Variants in PPM1L observed in about 807,000 individuals in gnomAD.
PPM1L encodes protein phosphatase 1L.
Under a neutral mutation model 31.4 loss-of-function variants are expected in PPM1L, and 13 were observed. The ratio of observed to expected loss-of-function variants is 0.41; its 90% CI spans 0.27 to 0.66. PPM1L has a LOEUF of 0.66. Ranked by LOEUF, PPM1L falls within the 30% of genes least tolerant of loss-of-function variation. PPM1L has a pLI of 0.29. For synonymous variants in PPM1L, 184 were observed against 175.4 expected (o/e 1.05, Z -0.39); for missense variants, 326 against 453.7 (o/e 0.72, Z 2.56).
At chr3:160,806,681 G>A (rs1052802458) in intron 1 of PPM1L, among the ~76,000 whole-genome samples, 17 of 152,102 alleles carry the variant, frequency 1.1e-4, no homozygotes, top group Admixed American at 1.0e-3. Context: ...TGAGCGGGGA[G>A]GATTGCCTGA....
intron 1 of PPM1L, among the ~76,000 whole-genome samples, chr3:160,808,197 C>T (rs1576647244): frequency 6.6e-6 from 1 of 152,210 alleles, no homozygotes; most frequent in African/African-American, 2.4e-5. Flanking sequence ...CTAAGATTTT[C>T]TGCTTAATCA....
rs1268066234 is a variant in PPM1L, at chr3:160,817,907, C to A, written c.399+61200C>A. On this transcript the variant is annotated intron_variant, in intron 1 of 3. Coordinates refer to ENST00000498165, the MANE Select transcript of PPM1L (RefSeq NM_139245.4). ...GATAGCCTGGAATGGATAATAGAGACAGGGATTGGAACCAGAGATTTAAGA... is the reference window on the plus strand; with the variant it reads ...GATAGCCTGGAATGGATAATAGAGAAAGGGATTGGAACCAGAGATTTAAGA... Among the ~76,000 whole-genome samples, 4 of 151,920 alleles carry A rather than the reference C, an allele frequency of 2.6e-5. No individual in the cohort carries two copies. In the East Asian group the frequency reaches 7.7e-4, roughly 29 times the overall value.
chr3:160,959,026 T>G (rs948453391), intron 1 of PPM1L, among the ~76,000 whole-genome samples: 1 of 152,186 alleles, frequency 6.6e-6, no homozygotes, highest in Non-Finnish European at 1.5e-5. Context: ...AATTCACAAT[T>G]GCAAAAATGT....
At chr3:160,939,174 A>G (rs1715076517) in intron 1 of PPM1L, among the ~76,000 whole-genome samples, 1 of 152,184 alleles carries the variant, frequency 6.6e-6, no homozygotes, top group African/African-American at 2.4e-5. Context: ...AAGTATCCTT[A>G]TAGAGTTCCA....
At chr3:161,007,346 T>C (rs1717748670) in intron 2 of PPM1L, among the ~76,000 whole-genome samples, 1 of 152,120 alleles carries the variant, frequency 6.6e-6, no homozygotes, top group Admixed American at 6.5e-5. Flanking sequence ...AAATGGACCA[T>C]GAAGGTGGAT....
intron 1 of PPM1L, among the ~76,000 whole-genome samples, chr3:160,833,184 G>A (rs189806096): frequency 8.7e-4 from 133 of 152,262 alleles, no homozygotes; most frequent in African/African-American, 3.0e-3. Flanking sequence ...GGACATTTAC[G>A]TTGATTGCAT....
chr3:160,901,238 C>T (rs1713532741), intron 1 of PPM1L, among the ~76,000 whole-genome samples: 1 of 152,102 alleles, frequency 6.6e-6, no homozygotes, highest in Non-Finnish European at 1.5e-5. Context: ...TGAGACTTAA[C>T]ATGCTCCAAA....
chr3:160,927,606 A>G (rs1432426578), intron 1 of PPM1L, among the ~76,000 whole-genome samples: 5 of 148,358 alleles, frequency 3.4e-5, no homozygotes, highest in South Asian at 4.3e-4. Context: ...TCATTTCCCT[A>G]TGTGTGTGTG....
rs1165123111 is a variant in PPM1L, at chr3:161,023,840, G to A, written c.575-41563G>A. ...TTTTTTTCACTTCTTGCTTGTGTAG[G>A]GCCATAAAGTCATCTAGAGGTAATA... On this transcript the variant is annotated intron_variant, in intron 2 of 3. Coordinates refer to ENST00000498165, the MANE Select transcript of PPM1L (RefSeq NM_139245.4). Among the ~76,000 whole-genome samples, 14 of 151,884 alleles carry A rather than the reference G, an allele frequency of 9.2e-5. 1 individual carries two copies. The highest frequency in any genetic ancestry group is 9.2e-4 in the Admixed American group (14 of 15,244).
At chr3:160,921,816 T>C (rs922627453) in intron 1 of PPM1L, among the ~76,000 whole-genome samples, 1 of 152,080 alleles carries the variant, frequency 6.6e-6, no homozygotes, top group Non-Finnish European at 1.5e-5. Context: ...ACAACCCCAT[T>C]TGAGGAAGGC....
At position 160,944,991 on chromosome 3, in the gene PPM1L, A is replaced by ATACAT. The variant is rs1553748289; in HGVS notation, c.400-16743_400-16742insCATTA. ...TATATTATATATAACTATATATAAC[A>ATACAT]TATATATAACTATATATAACATATA... On this transcript the variant is annotated intron_variant, in intron 1 of 3. Transcript: ENST00000498165. Among the ~76,000 whole-genome samples the ATACAT allele has an allele frequency of 8.5e-3, 200 of 23,414 alleles. 6 individuals are homozygous for ATACAT. Among genetic ancestry groups the ATACAT allele is most frequent in the Non-Finnish European group, 0.017 (161 of 9,714 alleles). 15.4% of individuals were successfully genotyped at this position (23,414 alleles called of 152,430 possible). A position where few individuals can be genotyped will look rare whatever the true frequency, so the allele number is the denominator to read the frequency against.
At chr3:160,911,820 G>A (rs1204225646) in intron 1 of PPM1L, among the ~76,000 whole-genome samples, 1 of 152,166 alleles carries the variant, frequency 6.6e-6, no homozygotes, top group Non-Finnish European at 1.5e-5. Flanking sequence ...GTGGATCCAA[G>A]AAATTTAACT....
chr3:160,987,788 A>G (rs746871809), intron 2 of PPM1L, among the ~76,000 whole-genome samples: 9 of 152,202 alleles, frequency 5.9e-5, no homozygotes, highest in Non-Finnish European at 1.0e-4. Flanking sequence ...TTAGGCAGTT[A>G]TTGTCATTTC....
At chr3:160,884,483 T>G (rs2108040425) in intron 1 of PPM1L, among the ~76,000 whole-genome samples, 1 of 152,330 alleles carries the variant, frequency 6.6e-6, no homozygotes, top group South Asian at 2.1e-4. Context: ...GCCATTAAAC[T>G]TTGTGACCTA....
rs1287945011 is a variant in PPM1L, at chr3:161,069,384, A to T, written c.*227A>T. 1 of 551,800 alleles carries T rather than the reference A, an allele frequency of 1.8e-6. No homozygotes were observed. The highest frequency in any genetic ancestry group is 1.9e-5 in the African/African-American group (1 of 53,140). 34.2% of individuals were successfully genotyped at this position (551,800 alleles called of 1,614,324 possible). ...TTCTTCATGTTTTCCCAACTCTTTC[A>T]TCCAGTGTCCAAAATATATAAGTAA... is the stretch of plus-strand genomic sequence containing the variant. On this transcript the variant is annotated 3_prime_UTR_variant, in exon 4 of 4. Transcript: ENST00000498165.
At chr3:160,762,875 A>G (rs1433101369) in intron 1 of PPM1L, among the ~76,000 whole-genome samples, 3 of 152,176 alleles carry the variant, frequency 2.0e-5, no homozygotes, top group Non-Finnish European at 4.4e-5. Flanking sequence ...ATTTTTTTCC[A>G]TATTCAAGTA....
At chr3:161,036,953 A>G (rs1166018188) in intron 2 of PPM1L, among the ~76,000 whole-genome samples, 3 of 152,194 alleles carry the variant, frequency 2.0e-5, no homozygotes, top group African/African-American at 7.2e-5. Flanking sequence ...GAATCGTAAA[A>G]AAGGTCTGTA....
intron 2 of PPM1L, among the ~76,000 whole-genome samples, chr3:160,971,981 T>C (rs1486632770): frequency 6.6e-6 from 1 of 152,154 alleles, no homozygotes; most frequent in African/African-American, 2.4e-5. Context: ...TTGTCCAGGC[T>C]GGTCTCAAAC....
intron 2 of PPM1L, chr3:161,022,490 T>G: frequency 4.6e-6 from 1 of 215,226 alleles, no homozygotes; most frequent in Non-Finnish European, 9.1e-6. Context: ...TTATATTTAC[T>G]TAATTATTGG....
Sources: gnomAD v4.1 joint callset for allele counts (sites outside exome capture counted in the v4.1 genomes callset) on GRCh38, gnomAD v4.1.1 for gene constraint, MANE v1.5 for transcripts, NCBI Gene and HGNC (gene_info 2026-07-23, HGNC 2026-07-21) for gene names.